Variants in MYO9B observed in about 807,000 individuals in gnomAD.
MYO9B encodes unconventional myosin-IXb.
Under a neutral mutation model 229.5 loss-of-function variants are expected in MYO9B, and 71 were observed. The observed-to-expected ratio is 0.31, with a 90% CI of 0.26 to 0.38. The LOEUF is 0.38. Among genes scored for constraint, MYO9B ranks in the 10% least tolerant of loss-of-function variants. MYO9B has a pLI of 1.00. For synonymous variants in MYO9B, 1,185 were observed against 1,235.8 expected, an observed-to-expected ratio of 0.96 and a Z score of 0.86; for missense variants, 2,255 against 2,920.5, an observed-to-expected ratio of 0.77 and a Z score of 5.25.
At chr19:17,186,721 C>A (rs1568291917) in intron 18 of MYO9B, among the ~76,000 whole-genome samples, 1 of 151,922 alleles carries the variant, frequency 6.6e-6, no homozygotes, top group African/African-American at 2.4e-5. Flanking sequence ...TCCCGTTTGC[C>A]TTTGTTTGTT....
At chr19:17,134,381 G>GTTTTTTTTTTTTTTTTT (rs869297825) in intron 2 of MYO9B, among the ~76,000 whole-genome samples, 3 of 46,476 alleles carry the variant, frequency 6.5e-5, no homozygotes, top group African/African-American at 1.8e-4. Context: ...CGTTTTGTTT[G>GTTTTTTTTTTTTTTTTT]TTTTTTTTTT....
chr19:17,208,577 G>A (rs1455498752), intron 35 of MYO9B, among the ~76,000 whole-genome samples: 4 of 151,722 alleles, frequency 2.6e-5, no homozygotes, highest in South Asian at 4.2e-4. Flanking sequence ...GACTACAGGC[G>A]TCCACCACCA....
In MYO9B at chr19:17,152,366, A is replaced by G. The variant is rs1007473355; in HGVS notation, c.936-278A>G. On this transcript the variant is annotated intron_variant, in intron 3 of 39. Transcript: ENST00000682292. ...TAGGTCAAGAGTTTGAGATCAGCCT[A>G]GCCAACATGGCAAAACCCCGCCTCT... 3.9e-5 allele frequency among the ~76,000 whole-genome samples: 6 copies of G among 152,250 alleles called. No homozygotes were observed. The East Asian group carries it at 9.7e-4, about 25-fold the overall frequency.
At chr19:17,179,563 A>C (rs1481558373) in intron 14 of MYO9B, among the ~76,000 whole-genome samples, 1 of 150,464 alleles carries the variant, frequency 6.6e-6, no homozygotes, top group Non-Finnish European at 1.5e-5. Flanking sequence ...AGTGACTGGG[A>C]CTACAGGCAT....
rs1422223282 is a variant in MYO9B at position 17,160,665 on chromosome 19, G to A, written c.1419+1181G>A. 2.0e-5 allele frequency among the ~76,000 whole-genome samples: 3 copies of A among 151,608 alleles called. No individual in the cohort carries two copies. In the East Asian group the frequency reaches 5.8e-4, roughly 29 times the overall value. On this transcript the variant is annotated intron_variant, in intron 8 of 39. Transcript: ENST00000682292. ...TGGGATTACAGGTGTGCGCCACTAG[G>A]CCTGGCTAATTTTTTTTGCATTTTT...
chr19:17,200,449 G>A (rs1455990838), intron 25 of MYO9B, 23 bp downstream of exon 25: 1 of 1,555,270 alleles, frequency 6.4e-7, no homozygotes, highest in Non-Finnish European at 8.7e-7. Context: ...CAGCCTCAGG[G>A]ACAGACAGTA....
In MYO9B at chr19:17,193,017, T is replaced by C. The variant is rs766206528; in HGVS notation, c.3083T>C (p.Ile1028Thr). 1.9e-5 allele frequency: 28 copies of C among 1,493,538 alleles called. No homozygotes were observed. Among genetic ancestry groups the C allele is most frequent in the Non-Finnish European group, 2.4e-5 (27 of 1,116,968 alleles). 92.5% of individuals were successfully genotyped at this position (1,493,538 alleles called of 1,614,324 possible). A position where few individuals can be genotyped will look rare whatever the true frequency, so the allele number is the denominator to read the frequency against. ...CTCTACCGGCACCAGAAACAGAGCA[T>C]CATCCGCCTGCAGAGCCTGTGTCGG... ...RKLYRHQKQSIIRLQSLCRGH... is the reference protein window; with the variant it reads ...RKLYRHQKQSTIRLQSLCRGH... Residue 1028 changes from isoleucine (I) to threonine (T), a missense_variant, in exon 21 of 40, where the codon ATC (isoleucine) becomes ACC (threonine). Ile to Thr is a moderately conservative substitution (Grantham distance 89). This residue lies in a region of MYO9B where 679 missense variants were observed against 770.2 expected (regional missense o/e 0.88). Coordinates refer to ENST00000682292, the MANE Select transcript of MYO9B (RefSeq NM_004145.4). This position sits in a 1 kb window ranked among gnomAD's most constrained non-coding sequence, Gnocchi z 4.3.
intron 2 of MYO9B, among the ~76,000 whole-genome samples, chr19:17,117,478 G>A (rs532485456): frequency 1.5e-3 from 232 of 152,264 alleles, no homozygotes; most frequent in African/African-American, 5.3e-3. Context: ...CTGTGACCCC[G>A]ACACGTGGTT....
Position 17,193,161 on chromosome 19 carries a change from A to G in MYO9B, c.3128+99A>G. Reference sequence around the variant, plus strand: ...GATATACCATCTGGCCTGTGGCACTAAGGGGATGTCATTCTGGACACAGGG... The same window carrying G: ...GATATACCATCTGGCCTGTGGCACTGAGGGGATGTCATTCTGGACACAGGG... On this transcript the variant is annotated intron_variant, in intron 21 of 39. Transcript: ENST00000682292. The surrounding 1 kb of genome is among the most constrained non-coding windows in gnomAD (Gnocchi z 4.3). 7.8e-7 allele frequency: 1 copy of G among 1,274,722 alleles called. No individual in the cohort carries two copies. Among genetic ancestry groups the G allele is most frequent in the East Asian group, 2.8e-5 (1 of 35,820 alleles). The allele number at this position is 1,274,722 out of a possible 1,614,324, so 79.0% of individuals were successfully genotyped here. A position where few individuals can be genotyped will look rare whatever the true frequency, so the allele number is the denominator to read the frequency against.
intron 2 of MYO9B, among the ~76,000 whole-genome samples, chr19:17,125,309 CA>C (rs1555695571): frequency 2.0e-4 from 24 of 120,918 alleles, no homozygotes; most frequent in African/African-American, 4.0e-4. Flanking sequence ...CCCCCCCCCC[CA>C]AAAAAAGGGT....
chr19:17,176,689 C>T (rs1233077535), intron 14 of MYO9B, among the ~76,000 whole-genome samples: 3 of 152,138 alleles, frequency 2.0e-5, no homozygotes, highest in East Asian at 3.8e-4. Context: ...GCCCAAGCAT[C>T]GATGGTGGTG....
chr19:17,207,397 C>A lies in MYO9B; in HGVS notation c.5624+153C>A. On this transcript the variant is annotated intron_variant, in intron 35 of 39. Coordinates refer to ENST00000682292, the MANE Select transcript of MYO9B (RefSeq NM_004145.4). Reference sequence around the variant, plus strand: ...CTGTAATCCTAGCTACTTTGGGAGGCCAAGGCAAGAGGATCACTTGAGGCC... The same window carrying A: ...CTGTAATCCTAGCTACTTTGGGAGGACAAGGCAAGAGGATCACTTGAGGCC... 5.5e-6 allele frequency: 6 copies of A among 1,083,056 alleles called. No homozygotes were observed. In the South Asian group the frequency reaches 8.3e-5, roughly 15 times the overall value. The allele number at this position is 1,083,056 out of a possible 1,614,324, so 67.1% of individuals were successfully genotyped here.
chr19:17,082,490 C>T (rs954111043), intron 1 of MYO9B, among the ~76,000 whole-genome samples: 36 of 152,122 alleles, frequency 2.4e-4, no homozygotes, highest in Admixed American at 1.0e-3. Flanking sequence ...AGCATCTCCA[C>T]GAGGAGGCGT....
At chr19:17,094,909 C>T (rs1208889381) in intron 1 of MYO9B, among the ~76,000 whole-genome samples, 1 of 151,838 alleles carries the variant, frequency 6.6e-6, no homozygotes, top group Non-Finnish European at 1.5e-5. Flanking sequence ...CACCACTGGA[C>T]TCCAGCCTGG....
intron 3 of MYO9B, among the ~76,000 whole-genome samples, chr19:17,151,694 A>C (rs1038995113): frequency 1.3e-5 from 2 of 152,206 alleles, no homozygotes; most frequent in Admixed American, 1.3e-4. Flanking sequence ...AGACACGTAG[A>C]TCACTTGAGG....
intron 24 of MYO9B, among the ~76,000 whole-genome samples, chr19:17,199,250 G>A (rs1248814338): frequency 6.6e-6 from 1 of 152,042 alleles, no homozygotes; most frequent in Non-Finnish European, 1.5e-5. Flanking sequence ...TAGGCGCATG[G>A]CTTGTACCTA....
chr19:17,118,426 G>A (rs1283674791), intron 2 of MYO9B, among the ~76,000 whole-genome samples: 1 of 151,900 alleles, frequency 6.6e-6, no homozygotes, highest in East Asian at 1.9e-4. Flanking sequence ...CATAGCGAGA[G>A]CCTGTCTCTA....
intron 11 of MYO9B, among the ~76,000 whole-genome samples, chr19:17,170,088 A>C (rs932058881): frequency 6.6e-6 from 1 of 150,950 alleles, no homozygotes; most frequent in Admixed American, 6.6e-5. Context: ...GTAGAGATGG[A>C]ATCTCCCTGT....
intron 2 of MYO9B, among the ~76,000 whole-genome samples, chr19:17,111,367 ATTTAC>A (rs2057846473): frequency 6.6e-6 from 1 of 152,186 alleles, no homozygotes; most frequent in Admixed American, 6.5e-5. Flanking sequence ...TAATTTACCT[ATTTAC>A]TTATTTATAA....
Sources: allele counts gnomAD v4.1 joint callset (sites outside exome capture counted in the v4.1 genomes callset), GRCh38; gene constraint gnomAD v4.1.1; regional missense constraint gnomAD v4.1.1; non-coding constraint Gnocchi (gnomAD v3.1); transcripts MANE v1.5; gene names NCBI Gene and HGNC (gene_info 2026-07-23, HGNC 2026-07-21).